Variants in ZNF385D observed in about 807,000 individuals in gnomAD.
ZNF385D encodes the protein zinc finger protein 385D.
In ZNF385D, 15 loss-of-function variants were observed where a neutral mutation model predicts 35.8. That is an observed-to-expected ratio of 0.42 (90% CI 0.28 to 0.64). The LOEUF (loss-of-function observed/expected upper bound fraction) is 0.64. Among genes scored for constraint, ZNF385D ranks in the 30% least tolerant of loss-of-function variants. The pLI, the probability that ZNF385D is intolerant of heterozygous loss-of-function variation, is 0.23. For synonymous variants in ZNF385D, 212 were observed against 186.8 expected (o/e 1.13, Z -1.10); for missense variants, 474 against 494.6 (o/e 0.96, Z 0.39).
intron 2 of ZNF385D, among the ~76,000 whole-genome samples, chr3:21,575,679 A>G (rs777003157): frequency 6.6e-6 from 1 of 152,104 alleles, no homozygotes; most frequent in Non-Finnish European, 1.5e-5. Context: ...ACCTTCTTCA[A>G]CCAGGCTAAG....
intron 2 of ZNF385D, chr3:22,169,154 A>G (rs970965028): frequency 1.4e-5 from 4 of 281,952 alleles, no homozygotes; most frequent in Non-Finnish European, 2.1e-5. Context: ...ATTTCTATGT[A>G]CTCTCATTTT....
At chr3:22,337,902 G>A (rs1410889270) in intron 2 of ZNF385D, among the ~76,000 whole-genome samples, 1 of 152,208 alleles carries the variant, frequency 6.6e-6, no homozygotes, top group Non-Finnish European at 1.5e-5. Flanking sequence ...ATAGTAAAGA[G>A]AGTGGTGGAC....
chr3:22,370,869 T>C (rs565587077), intron 2 of ZNF385D, among the ~76,000 whole-genome samples: 4 of 152,232 alleles, frequency 2.6e-5, no homozygotes, highest in Non-Finnish European at 5.9e-5. Context: ...CACATTGTCA[T>C]AGAGCAAAAA....
intron 2 of ZNF385D, among the ~76,000 whole-genome samples, chr3:21,610,331 A>G (rs2064631893): frequency 6.6e-6 from 1 of 152,214 alleles, no homozygotes; most frequent in East Asian, 1.9e-4. Context: ...GAGCAAGATA[A>G]TGATACTAAC....
chr3:22,169,118 G>A, intron 2 of ZNF385D: 1 of 602,480 alleles, frequency 1.7e-6, no homozygotes, highest in Non-Finnish European at 2.1e-6. Context: ...GGCAAATAAG[G>A]ATTGTTCTAC....
chr3:21,530,059 C>G (rs1315912597), intron 3 of ZNF385D, among the ~76,000 whole-genome samples: 1 of 151,976 alleles, frequency 6.6e-6, no homozygotes, highest in Non-Finnish European at 1.5e-5. Context: ...TTAGTTCATG[C>G]AAGAGCTGGT....
In ZNF385D at chr3:21,952,809, A is replaced by G. The variant is rs573178534; in HGVS notation, c.325+216008T>C. 2.0e-5 allele frequency among the ~76,000 whole-genome samples: 3 copies of G among 152,122 alleles called. No individual in the cohort carries two copies. In the South Asian group the frequency reaches 6.2e-4, roughly 32 times the overall value. Reference sequence around the variant, plus strand: ...TTTATGATTCTTTCAAAAAAGTTCCAAAACTAAACATTTCCATTGCCTTTT... The same window carrying G: ...TTTATGATTCTTTCAAAAAAGTTCCGAAACTAAACATTTCCATTGCCTTTT... On this transcript the variant is annotated intron_variant, in intron 3 of 5. Transcript: ENST00000494108.
chr3:22,196,612 T>A (rs556219738), intron 2 of ZNF385D, among the ~76,000 whole-genome samples: 1 of 152,180 alleles, frequency 6.6e-6, no homozygotes, highest in East Asian at 1.9e-4. Context: ...CCTCTACTTA[T>A]TAGAGTCCAT....
chr3:22,045,281 T>C (rs556464738), intron 3 of ZNF385D, among the ~76,000 whole-genome samples: 1 of 152,238 alleles, frequency 6.6e-6, no homozygotes, highest in South Asian at 2.1e-4. Context: ...GGGTGCAATA[T>C]AGGGATTAAA....
intron 3 of ZNF385D, among the ~76,000 whole-genome samples, chr3:21,873,497 A>C (rs918354035): frequency 6.6e-6 from 1 of 152,090 alleles, no homozygotes; most frequent in Non-Finnish European, 1.5e-5. Flanking sequence ...AAAACACATA[A>C]CTTGATATCC....
intron 3 of ZNF385D, among the ~76,000 whole-genome samples, chr3:21,560,029 A>C (rs1460924586): frequency 6.6e-6 from 1 of 152,152 alleles, no homozygotes; most frequent in Non-Finnish European, 1.5e-5. Context: ...GTTCTTCTCT[A>C]AACTGGTTAT....
chr3:21,581,081 G>A (rs2063645168), intron 2 of ZNF385D, among the ~76,000 whole-genome samples: 1 of 151,972 alleles, frequency 6.6e-6, no homozygotes, highest in African/African-American at 2.4e-5. Flanking sequence ...AAGCCACAAG[G>A]GACATTTTAC....
chr3:22,260,113 C>T (rs1327298639), intron 2 of ZNF385D, among the ~76,000 whole-genome samples: 1 of 151,940 alleles, frequency 6.6e-6, no homozygotes, highest in African/African-American at 2.4e-5. Flanking sequence ...TACTTAAATA[C>T]ATTGTATTCA....
intron 2 of ZNF385D, among the ~76,000 whole-genome samples, chr3:22,194,163 T>A (rs926918632): frequency 6.6e-6 from 1 of 151,730 alleles, no homozygotes; most frequent in African/African-American, 2.4e-5. Context: ...GTTTAGTACA[T>A]AACAACTATC....
At chr3:21,868,654 T>C (rs996776105) in intron 3 of ZNF385D, among the ~76,000 whole-genome samples, 14 of 152,154 alleles carry the variant, frequency 9.2e-5, no homozygotes, top group East Asian at 7.7e-4. Flanking sequence ...GTTCCAACCA[T>C]TGGACACAGT....
chr3:21,756,634 A>G (rs2070351724), intron 3 of ZNF385D, among the ~76,000 whole-genome samples: 1 of 152,226 alleles, frequency 6.6e-6, no homozygotes, highest in Non-Finnish European at 1.5e-5. Flanking sequence ...GGTTAACACT[A>G]AACACTGAGT....
intron 3 of ZNF385D, among the ~76,000 whole-genome samples, chr3:21,519,772 C>A (rs550655564): frequency 6.6e-6 from 1 of 152,170 alleles, no homozygotes; most frequent in African/African-American, 2.4e-5. Flanking sequence ...GAAACCACTT[C>A]GTCTAGCTGC....
chr3:21,907,246 C>T lies in ZNF385D; in HGVS notation c.326-242218G>A, dbSNP rs527653518. 1.8e-4 allele frequency among the ~76,000 whole-genome samples: 28 copies of T among 152,192 alleles called. No individual in the cohort carries two copies. In the South Asian group the frequency reaches 5.0e-3, roughly 27 times the overall value. ...TTTAAAAAACATGTATCTGTAACAA[C>T]ATTTTAAAAATAGAATAATTATAAC... On this transcript the variant is annotated intron_variant, in intron 3 of 5. Transcript: ENST00000494108.
At chr3:21,733,373 C>T (rs888127338) in intron 1 of ZNF385D, among the ~76,000 whole-genome samples, 5 of 152,038 alleles carry the variant, frequency 3.3e-5, no homozygotes, top group South Asian at 2.1e-4. Context: ...AGGTCTTTTG[C>T]CTCTCCACAG....
Sources: gnomAD v4.1 joint callset for allele counts (sites outside exome capture counted in the v4.1 genomes callset) on GRCh38, gnomAD v4.1.1 for gene constraint, MANE v1.5 for transcripts, NCBI Gene and HGNC (gene_info 2026-07-23, HGNC 2026-07-21) for gene names.